The following AGPAT3 variants were observed in gnomAD, a reference collection of about 807,000 sequenced individuals.
AGPAT3 encodes 1-acyl-sn-glycerol-3-phosphate acyltransferase gamma.
In AGPAT3, 5 loss-of-function variants were observed where a neutral mutation model predicts 47.3. The observed-to-expected ratio is 0.11, with a 90% CI of 0.06 to 0.22. The LOEUF is 0.22. Ranked by LOEUF, AGPAT3 falls within the 10% of genes least tolerant of loss-of-function variation. The pLI, the probability that AGPAT3 is intolerant of heterozygous loss-of-function variation, is 1.00. For synonymous variants in AGPAT3, 212 were observed against 208.3 expected, an observed-to-expected ratio of 1.02 and a Z score of -0.15; for missense variants, 315 against 493.0, an observed-to-expected ratio of 0.64 and a Z score of 3.42.
intron 2 of AGPAT3, among the ~76,000 whole-genome samples, chr21:43,914,426 G>T (rs1281867421): frequency 1.3e-5 from 2 of 152,098 alleles, no homozygotes; most frequent in African/African-American, 4.8e-5. Flanking sequence ...GAAATCATCT[G>T]CCTTTGGTAC....
chr21:43,897,525 A>C lies in AGPAT3; in HGVS notation c.-111-6432A>C, dbSNP rs1256016673. Among the ~76,000 whole-genome samples, 2 of 138,636 alleles carry C rather than the reference A, an allele frequency of 1.4e-5. 1 individual carries two copies. The highest frequency in any genetic ancestry group is 6.2e-5 in the African/African-American group (2 of 32,298). 91.0% of individuals were successfully genotyped at this position (138,636 alleles called of 152,430 possible). A position where few individuals can be genotyped will look rare whatever the true frequency, so the allele number is the denominator to read the frequency against. ...GGGTTCCCAGACAGGGCGGCCGGGC[A>C]GAGGCGCTCCTCACATCCCAGAGGG... On this transcript the variant is annotated intron_variant, in intron 1 of 9. Transcript: ENST00000291572.
chr21:43,981,478 T>C lies in AGPAT3; in HGVS notation c.1042+291T>C. 2 of 487,364 alleles carry C rather than the reference T, an allele frequency of 4.1e-6. No homozygotes were observed. Among genetic ancestry groups the C allele is most frequent in the Non-Finnish European group, 7.5e-6 (2 of 266,966 alleles). 30.2% of individuals were successfully genotyped at this position (487,364 alleles called of 1,614,324 possible). On this transcript the variant is annotated intron_variant, in intron 9 of 9. Transcript: ENST00000291572. This position sits in a 1 kb window ranked among gnomAD's most constrained non-coding sequence, Gnocchi z 5.3. ...GCCGACGAGAGGGTCCCCGAGAGGG[T>C]CCCCAGCCCCCCTGTCTGCTTTTGG...
At chr21:43,951,882 A>T (rs541703004) in intron 2 of AGPAT3, among the ~76,000 whole-genome samples, 5 of 152,250 alleles carry the variant, frequency 3.3e-5, no homozygotes, top group Admixed American at 2.6e-4. Flanking sequence ...TCCATTCCAT[A>T]AAAAGGCGTC....
At chr21:43,953,309 G>T (rs1370200806) in intron 2 of AGPAT3, among the ~76,000 whole-genome samples, 5 of 152,236 alleles carry the variant, frequency 3.3e-5, no homozygotes, top group Non-Finnish European at 7.3e-5. Context: ...TGGAAACAGG[G>T]ACGGGATGTT....
rs1453701859 is a variant in AGPAT3, at chr21:43,866,361, A to ACGC, written c.-112+1019_-112+1021dup. Reference sequence around the variant, plus strand: ...CGGCTCTTATTAAAAATGAAAGCCAACGCCGAGAGCCTGCTGGGGGCTGGG... The same window carrying ACGC: ...CGGCTCTTATTAAAAATGAAAGCCAACGCCGCCGAGAGCCTGCTGGGGGCTGGG... On this transcript the variant is annotated intron_variant, in intron 1 of 9. Transcript: ENST00000291572. Among the ~76,000 whole-genome samples the ACGC allele has an allele frequency of 2.1e-5, 3 of 146,270 alleles. No homozygotes were observed. In the East Asian group the frequency reaches 6.7e-4, roughly 33 times the overall value.
chr21:43,960,400 A>G, intron 3 of AGPAT3, among the ~76,000 whole-genome samples: 1 of 152,216 alleles, frequency 6.6e-6, no homozygotes. Flanking sequence ...AGGCTTGGTA[A>G]CAACACCCAC....
intron 1 of AGPAT3, among the ~76,000 whole-genome samples, chr21:43,900,686 G>A (rs904274554): frequency 3.9e-5 from 6 of 152,200 alleles, no homozygotes; most frequent in African/African-American, 1.2e-4. Flanking sequence ...GGAAAGGGGC[G>A]TGGGAGAGCA....
In AGPAT3 at chr21:43,930,827, C is replaced by T. The variant is rs185373750; in HGVS notation, c.-49+26808C>T. 6.6e-6 allele frequency among the ~76,000 whole-genome samples: 1 copy of T among 152,122 alleles called. No individual in the cohort carries two copies. Among genetic ancestry groups the T allele is most frequent in the African/African-American group, 2.4e-5 (1 of 41,428 alleles). The stretch of plus-strand genomic sequence containing the variant: ...GGCCCACGGCAGGCCAGTGTGCGGT[C>T]CTCAAGCTGCTGGTGACAAACGCAA... On this transcript the variant is annotated intron_variant, in intron 2 of 9. Coordinates refer to ENST00000291572, the MANE Select transcript of AGPAT3 (RefSeq NM_020132.5). This position sits in a 1 kb window ranked among gnomAD's most constrained non-coding sequence, Gnocchi z 5.0.
chr21:43,955,251 A>C lies in AGPAT3; in HGVS notation c.-48-4383A>C. The C allele has an allele frequency of 8.3e-7, 1 of 1,202,538 alleles. No individual in the cohort carries two copies. The highest frequency in any genetic ancestry group is 6.6e-5 in the East Asian group (1 of 15,154). The allele number at this position is 1,202,538 out of a possible 1,614,324, so 74.5% of individuals were successfully genotyped here. A position where few individuals can be genotyped will look rare whatever the true frequency, so the allele number is the denominator to read the frequency against. ...GTGAACCTCTAGAAAAGGTAAATTA[A>C]CCTATAGAGCTGGAAAGCTGACCTG... On this transcript the variant is annotated intron_variant, in intron 2 of 9. Transcript: ENST00000291572. This position sits in a 1 kb window ranked among gnomAD's most constrained non-coding sequence, Gnocchi z 4.1.
At chr21:43,898,628 GC>G (rs1375726138) in intron 1 of AGPAT3, among the ~76,000 whole-genome samples, 1 of 152,162 alleles carries the variant, frequency 6.6e-6, no homozygotes, top group Non-Finnish European at 1.5e-5. Context: ...CTAGGTTCAA[GC>G]AATTCTCCTG....
chr21:43,956,832 G>A (rs771758774), intron 2 of AGPAT3, among the ~76,000 whole-genome samples: 5 of 152,326 alleles, frequency 3.3e-5, no homozygotes, highest in Non-Finnish European at 5.9e-5. Context: ...TTGTGATGTG[G>A]CCATCCTGGG....
chr21:43,902,394 G>A (rs145150449), intron 1 of AGPAT3, among the ~76,000 whole-genome samples: 5 of 152,330 alleles, frequency 3.3e-5, no homozygotes, highest in African/African-American at 4.8e-5. Flanking sequence ...GAAAATATGC[G>A]ATATATACAC....
chr21:43,895,069 CTT>C (rs1421968631), intron 1 of AGPAT3, among the ~76,000 whole-genome samples: 2 of 151,272 alleles, frequency 1.3e-5, no homozygotes, highest in Non-Finnish European at 2.9e-5. Context: ...TGAGATATAT[CTT>C]GTGTCATTTG....
At chr21:43,879,741 A>G (rs2085814704) in intron 1 of AGPAT3, among the ~76,000 whole-genome samples, 1 of 152,056 alleles carries the variant, frequency 6.6e-6, no homozygotes, top group Admixed American at 6.5e-5. Flanking sequence ...GGCTGTCTGC[A>G]CTCTGAGTCC....
chr21:43,938,294 C>G (rs2087520624), intron 2 of AGPAT3, among the ~76,000 whole-genome samples: 1 of 145,972 alleles, frequency 6.9e-6, no homozygotes. Context: ...GATTAGAAGT[C>G]AGAATTCTTG....
At chr21:43,968,137 G>A (rs2089221473) in intron 4 of AGPAT3, 22 bp downstream of exon 4, 1 of 1,603,934 alleles carries the variant, frequency 6.2e-7, no homozygotes, top group Admixed American at 1.7e-5. Flanking sequence ...CCTGGGGAGG[G>A]CCACGGGTGA....
Position 43,986,115 on chromosome 21 carries a change from C to T in AGPAT3, c.*3723C>T, listed in dbSNP as rs1272480176. 2.0e-5 allele frequency: 3 copies of T among 152,262 alleles called. No individual in the cohort carries two copies. Among genetic ancestry groups the T allele is most frequent in the Non-Finnish European group, 2.9e-5 (2 of 68,064 alleles). The allele number at this position is 152,262 out of a possible 1,614,324, so 9.4% of individuals were successfully genotyped here. Reference sequence around the variant, plus strand: ...CATCCGGCTCCGTATTCCTGCCTATCGGGGCCAGGATGCAAAAACAATTTT... The same window carrying T: ...CATCCGGCTCCGTATTCCTGCCTATTGGGGCCAGGATGCAAAAACAATTTT... On this transcript the variant is annotated 3_prime_UTR_variant, in exon 10 of 10. Coordinates refer to ENST00000291572, the MANE Select transcript of AGPAT3 (RefSeq NM_020132.5).
chr21:43,959,165 TGTGTGTGG>T (rs2088680948), intron 2 of AGPAT3, among the ~76,000 whole-genome samples: 1 of 130,988 alleles, frequency 7.6e-6, no homozygotes, highest in African/African-American at 3.0e-5. Flanking sequence ...GCGTGTGTGG[TGTGTGTGG>T]TTTGCAGTGT....
Position 43,970,699 on chromosome 21 carries a change from G to T in AGPAT3, c.557G>T (p.Arg186Leu). ...ACGCGCTTCACGGAGACCAAGCACCGCGTTAGCATGGAGGTGGCGGCTGCT... is the reference window on the plus strand; with the variant it reads ...ACGCGCTTCACGGAGACCAAGCACCTCGTTAGCATGGAGGTGGCGGCTGCT... ...EGTRFTETKH[R>L]VSMEVAAAKG... The change falls in exon 6 of 10, where the codon CGC (arginine) becomes CTC (leucine). Residue 186 changes from arginine (R) to leucine (L), a missense_variant. Coordinates refer to ENST00000291572, the MANE Select transcript of AGPAT3 (RefSeq NM_020132.5). The surrounding 1 kb of genome is among the most constrained non-coding windows in gnomAD (Gnocchi z 5.8). 2 of 1,613,864 alleles carry T rather than the reference G, an allele frequency of 1.2e-6. No homozygotes were observed. The highest frequency in any genetic ancestry group is 1.7e-6 in the Non-Finnish European group (2 of 1,179,832).
Sources: gnomAD v4.1 joint callset for allele counts (sites outside exome capture counted in the v4.1 genomes callset) on GRCh38, gnomAD v4.1.1 for gene constraint, Gnocchi (gnomAD v3.1) non-coding constraint, MANE v1.5 for transcripts, NCBI Gene and HGNC (gene_info 2026-07-23, HGNC 2026-07-21) for gene names.